Variants in CCDC73 observed in about 807,000 individuals in gnomAD.
The protein encoded by CCDC73 is coiled-coil domain-containing protein 73.
CCDC73 carries 95 observed loss-of-function variants against 116.5 expected under a neutral mutation model. The observed-to-expected ratio is 0.82, with a 90% CI of 0.69 to 0.97. CCDC73 has a LOEUF of 0.97. Among genes scored for constraint, CCDC73 ranks in the 50% least tolerant of loss-of-function variants. The pLI is 0.00. For missense variants in CCDC73, 1,066 were observed against 1,206.8 expected (o/e 0.88, Z 1.73); for synonymous variants, 398 against 401.3 (o/e 0.99, Z 0.10).
Position 32,613,394 on chromosome 11 carries a change from G to C in CCDC73, c.2896+28C>G, listed in dbSNP as rs373559418. 3.3e-6 allele frequency: 5 copies of C among 1,524,752 alleles called. No homozygotes were observed. In the African/African-American group the frequency reaches 4.2e-5, roughly 13 times the overall value. The allele number at this position is 1,524,752 out of a possible 1,614,324, so 94.5% of individuals were successfully genotyped here. ...AAGAATAAGTAGAAAAATATTTTGAGAATTAAAACATTACTTTGTTTTCTT... is the reference window on the plus strand; with the variant it reads ...AAGAATAAGTAGAAAAATATTTTGACAATTAAAACATTACTTTGTTTTCTT... On this transcript the variant is annotated intron_variant, in intron 16 of 17. Coordinates refer to ENST00000335185, the MANE Select transcript of CCDC73 (RefSeq NM_001008391.4).
chr11:32,607,784 C>T (rs183042022), intron 17 of CCDC73, among the ~76,000 whole-genome samples: 11 of 149,330 alleles, frequency 7.4e-5, no homozygotes, highest in East Asian at 1.9e-4. Flanking sequence ...TCCGTTCTCA[C>T]GCCGCTAATA....
At chr11:32,646,222 C>A (rs983634621) in intron 12 of CCDC73, among the ~76,000 whole-genome samples, 1 of 152,160 alleles carries the variant, frequency 6.6e-6, no homozygotes, top group African/African-American at 2.4e-5. Flanking sequence ...AGACATCCAT[C>A]CTTTCATTAC....
At chr11:32,656,887 T>C (rs1855879013) in intron 9 of CCDC73, among the ~76,000 whole-genome samples, 1 of 152,158 alleles carries the variant, frequency 6.6e-6, no homozygotes, top group African/African-American at 2.4e-5. Flanking sequence ...TTTATTAGAG[T>C]GGCAAGATTA....
At chr11:32,742,393 T>G (rs1471107891) in intron 2 of CCDC73, among the ~76,000 whole-genome samples, 2 of 152,234 alleles carry the variant, frequency 1.3e-5, no homozygotes, top group African/African-American at 4.8e-5. Context: ...GATTTGCATT[T>G]CTCTAATGAC....
the CCDC73 span, among the ~76,000 whole-genome samples, chr11:32,820,250 C>G: frequency 1.3e-5 from 2 of 152,100 alleles, no homozygotes; most frequent in African/African-American, 4.8e-5. Flanking sequence ...ATCTCCCAGG[C>G]TCAAGCAATC....
chr11:32,627,685 C>T (rs560819834), intron 14 of CCDC73, among the ~76,000 whole-genome samples: 2 of 152,212 alleles, frequency 1.3e-5, no homozygotes, highest in African/African-American at 4.8e-5. Context: ...ACGGATGAAG[C>T]TGGAAACCAT....
chr11:32,818,189 C>T, the CCDC73 span, among the ~76,000 whole-genome samples: 1 of 152,246 alleles, frequency 6.6e-6, no homozygotes, highest in Non-Finnish European at 1.5e-5. Context: ...AATTCTACTT[C>T]ATTTGGCTTT....
intron 14 of CCDC73, among the ~76,000 whole-genome samples, chr11:32,624,527 G>A (rs1294542859): frequency 1.3e-5 from 2 of 152,092 alleles, no homozygotes; most frequent in Non-Finnish European, 2.9e-5. Context: ...TGGAAATTGT[G>A]ATGTAGATCT....
the CCDC73 span, among the ~76,000 whole-genome samples, chr11:32,819,304 G>A: frequency 2.1e-4 from 32 of 151,706 alleles, no homozygotes. Flanking sequence ...TTTTTCTGTA[G>A]AAATTCCAAG....
intron 6 of CCDC73, among the ~76,000 whole-genome samples, chr11:32,698,355 T>C (rs1340898568): frequency 1.3e-5 from 2 of 152,170 alleles, no homozygotes; most frequent in African/African-American, 4.8e-5. Context: ...CCAGCCTAGA[T>C]GTCTTATAGA....
the CCDC73 span, among the ~76,000 whole-genome samples, chr11:32,828,727 T>A: frequency 1.3e-5 from 2 of 152,136 alleles, no homozygotes; most frequent in Non-Finnish European, 2.9e-5. Context: ...AATCAAGACC[T>A]TTTTACGCTC....
intron 1 of CCDC73, among the ~76,000 whole-genome samples, chr11:32,769,313 C>T (rs1338084740): frequency 6.6e-6 from 1 of 152,116 alleles, no homozygotes; most frequent in Admixed American, 6.5e-5. Context: ...CTGTTCTCTG[C>T]TGGGTTTATT....
intron 1 of CCDC73, among the ~76,000 whole-genome samples, chr11:32,792,591 T>A (rs1850686092): frequency 6.6e-6 from 1 of 152,212 alleles, no homozygotes; most frequent in African/African-American, 2.4e-5. Flanking sequence ...ATACTGTCTT[T>A]TGGAAACGGT....
intron 3 of CCDC73, among the ~76,000 whole-genome samples, chr11:32,705,400 C>T (rs1430345423): frequency 1.3e-5 from 2 of 152,182 alleles, no homozygotes; most frequent in African/African-American, 4.8e-5. Context: ...CTCATCCAGA[C>T]ACTGGTGCCT....
chr11:32,644,578 A>G (rs1422295937), intron 12 of CCDC73, among the ~76,000 whole-genome samples: 58 of 152,194 alleles, frequency 3.8e-4, no homozygotes, highest in Non-Finnish European at 4.4e-5. Flanking sequence ...TATCACCACT[A>G]TCCATGTTCA....
intron 1 of CCDC73, among the ~76,000 whole-genome samples, chr11:32,780,277 A>AAAG (rs1850571346): frequency 6.6e-6 from 1 of 151,968 alleles, no homozygotes; most frequent in African/African-American, 2.4e-5. Context: ...CTGTCTCAAA[A>AAAG]AATAATAATA....
chr11:32,760,179 A>G lies in CCDC73; in HGVS notation c.65T>C (p.Leu22Ser), dbSNP rs1490683989. 1 of 1,599,870 alleles carries G rather than the reference A, an allele frequency of 6.3e-7. No homozygotes were observed. The highest frequency in any genetic ancestry group is 8.5e-7 in the Non-Finnish European group (1 of 1,170,186). ...GAAATCTAATAGCTGAATAGAAAAC[A>G]ATGTCTCTGAAGAACTTTGAAGAGT... The part of the protein sequence containing the change: ...TFTLQSSSET[L>S]FSIQLLDFKT... Residue 22 changes from leucine to serine, a missense_variant, in exon 2 of 18, where the codon TTG becomes TCG. Coordinates refer to ENST00000335185, the MANE Select transcript of CCDC73 (RefSeq NM_001008391.4).
intron 7 of CCDC73, among the ~76,000 whole-genome samples, chr11:32,678,728 C>T (rs572065764): frequency 6.6e-6 from 1 of 151,852 alleles, no homozygotes; most frequent in African/African-American, 2.4e-5. Context: ...ACTAAAAATA[C>T]AAAAATTAGC....
At chr11:32,791,183 A>C (rs1850672830) in intron 1 of CCDC73, among the ~76,000 whole-genome samples, 1 of 152,202 alleles carries the variant, frequency 6.6e-6, no homozygotes, top group South Asian at 2.1e-4. Context: ...TGACTTCCTG[A>C]TGTGTTTCTC....
Sources: gnomAD v4.1 joint callset for allele counts (sites outside exome capture counted in the v4.1 genomes callset) on GRCh38, gnomAD v4.1.1 for gene constraint, MANE v1.5 for transcripts, NCBI Gene and HGNC (gene_info 2026-07-23, HGNC 2026-07-21) for gene names.